The following EIF3B variants were observed in gnomAD, a reference collection of about 807,000 sequenced individuals.
The protein encoded by EIF3B is eukaryotic translation initiation factor 3 subunit 9.
EIF3B carries 10 observed loss-of-function variants against 104.6 expected under a neutral mutation model. The observed-to-expected ratio is 0.10, with a 90% CI of 0.06 to 0.16. The LOEUF (loss-of-function observed/expected upper bound fraction) is 0.16, where lower values mean the gene tolerates loss of function less well. EIF3B is among the 10% of genes least tolerant of loss of function. EIF3B has a pLI of 1.00. For missense variants in EIF3B, 1,014 were observed against 1,087.9 expected (o/e 0.93, Z 0.96); for synonymous variants, 542 against 417.2 (o/e 1.30, Z -3.65).
In EIF3B at chr7:2,362,518, G is replaced by C. The variant is rs571506682; in HGVS notation, c.693-127G>C. The C allele has an allele frequency of 1.5e-5, 18 of 1,208,664 alleles. No homozygotes were observed. In the East Asian group the frequency reaches 4.1e-4, roughly 28 times the overall value. The allele number at this position is 1,208,664 out of a possible 1,614,324, so 74.9% of individuals were successfully genotyped here. ...TCCCCCGTGTGACTGCCTTAGGCTC[G>C]AGGCAGGAAGAGCAGCACAGATACT... On this transcript the variant is annotated intron_variant, in intron 2 of 18. Transcript: ENST00000360876.
At chr7:2,354,108 G>A (rs1471150349), upstream of EIF3B, 1 of 152,428 alleles carries the variant, frequency 6.6e-6, no homozygotes, top group Non-Finnish European at 1.5e-5. Flanking sequence ...GTCCCGCGCT[G>A]AAGGCGGCGG....
intron 1 of EIF3B, among the ~76,000 whole-genome samples, chr7:2,356,602 CAAAAAAA>C (rs558863981): frequency 2.2e-5 from 2 of 90,314 alleles, no homozygotes; most frequent in Middle Eastern, 6.6e-3. Flanking sequence ...GACTCCGTCT[CAAAAAAA>C]AAAAAAAAAG....
Position 2,354,916 on chromosome 7 carries a change from G to A in EIF3B, c.-6G>A. Reference sequence around the variant, plus strand: ...CGGAGCCCTGCGAGTAGGCAGCGTTGGGCCCATGCAGGACGCGGAGAACGT... The same window carrying A: ...CGGAGCCCTGCGAGTAGGCAGCGTTAGGCCCATGCAGGACGCGGAGAACGT... On this transcript the variant is annotated 5_prime_UTR_variant, in exon 1 of 19. Coordinates refer to ENST00000360876, the MANE Select transcript of EIF3B (RefSeq NM_001037283.2). 1 of 1,220,848 alleles carries A rather than the reference G, an allele frequency of 8.2e-7. No homozygotes were observed. The highest frequency in any genetic ancestry group is 2.3e-5 in the South Asian group (1 of 43,272). The allele number at this position is 1,220,848 out of a possible 1,614,324, so 75.6% of individuals were successfully genotyped here.
intron 4 of EIF3B, among the ~76,000 whole-genome samples, chr7:2,363,360 G>GA (rs1779841524): frequency 6.6e-6 from 1 of 152,074 alleles, no homozygotes; most frequent in African/African-American, 2.4e-5. Flanking sequence ...CTGGGAGGCT[G>GA]AGGGGGGAGG....
At chr7:2,366,653 GCC>G in intron 8 of EIF3B, 62 bp downstream of exon 8, 1 of 1,578,106 alleles carries the variant, frequency 6.3e-7, no homozygotes, top group Admixed American at 1.7e-5. Flanking sequence ...GGGGTGTGGT[GCC>G]TTTCCTTATT....
chr7:2,372,653 G>T lies in EIF3B; in HGVS notation c.1688-20G>T, dbSNP rs78085845. ...TTCTGAATTGACCAAAAAGGGAGGG[G>T]TCTGTTTTGTGCATTTTAGAAACCA... On this transcript the variant is annotated intron_variant, in intron 11 of 18. Transcript: ENST00000360876. The T allele has an allele frequency of 1.1e-3, 1,747 of 1,612,314 alleles. 15 individuals are homozygous for T. In the African/African-American group the frequency reaches 0.02, roughly 18 times the overall value.
rs1285048154 is a variant in EIF3B at position 2,375,533 on chromosome 7, G to C, written c.2028+6G>C. ...TGTCCTGGTGGAGCCATAAGGTGCA[G>C]GCCTGTGGGGCATAGTTTTGACTGT... is the stretch of plus-strand genomic sequence containing the variant. On this transcript the variant is annotated splice_donor_region_variant and intron_variant, in intron 14 of 18. Transcript: ENST00000360876. The C allele has an allele frequency of 6.2e-7, 1 of 1,614,194 alleles. No homozygotes were observed. The highest frequency in any genetic ancestry group is 8.5e-7 in the Non-Finnish European group (1 of 1,180,026).
intron 13 of EIF3B, 151 bp from the exon 14 acceptor site, chr7:2,375,236 TCA>T (rs1334303369): frequency 2.4e-6 from 2 of 844,462 alleles, no homozygotes; most frequent in African/African-American, 3.3e-5. Flanking sequence ...TTGGTAAGTC[TCA>T]CAGCGGCCAC....
intron 16 of EIF3B, 62 bp downstream of exon 16, chr7:2,378,828 G>T (rs1780832353): frequency 2.2e-6 from 3 of 1,390,336 alleles, no homozygotes; most frequent in Middle Eastern, 3.5e-4. Flanking sequence ...CAAAGGCGGG[G>T]CTGCGGGGAG....
At position 2,369,400 on chromosome 7, in the gene EIF3B, C is replaced by G. The variant is rs2301944; in HGVS notation, c.1404-72C>G. The G allele has an allele frequency of 3.3e-6, 5 of 1,509,732 alleles. No individual in the cohort carries two copies. The African/African-American group carries it at 6.9e-5, about 21-fold the overall frequency. The allele number at this position is 1,509,732 out of a possible 1,614,324, so 93.5% of individuals were successfully genotyped here. ...GCTTCTATATAGCAAATGAGTTGTT[C>G]TATTCTCTTCTGCTTTTCAGTTTCG... is the stretch of plus-strand genomic sequence containing the variant. On this transcript the variant is annotated intron_variant, in intron 9 of 18. Transcript: ENST00000360876.
chr7:2,368,690 G>A (rs1780161255), intron 9 of EIF3B, among the ~76,000 whole-genome samples: 1 of 152,254 alleles, frequency 6.6e-6, no homozygotes, highest in East Asian at 1.9e-4. Context: ...CTGCTTAGGT[G>A]AAAGGTTTTC....
chr7:2,378,873 G>T (rs989741772), intron 16 of EIF3B, 107 bp downstream of exon 16: 13 of 1,012,170 alleles, frequency 1.3e-5, no homozygotes, highest in Admixed American at 2.1e-5. Context: ...CCTCTGCTCC[G>T]AAGACACTGG....
intron 5 of EIF3B, 23 bp from the exon 6 acceptor site, chr7:2,364,349 G>T (rs767600494): frequency 1.0e-5 from 16 of 1,568,240 alleles, no homozygotes; most frequent in Non-Finnish European, 1.3e-5. Context: ...TTGTATTAAC[G>T]TTGGCACTGC....
At position 2,372,768 on chromosome 7, in the gene EIF3B, A is replaced by C; in HGVS notation, c.1783A>C (p.Lys595Gln). 1 of 1,614,036 alleles carries C rather than the reference A, an allele frequency of 6.2e-7. No homozygotes were observed. Among genetic ancestry groups the C allele is most frequent in the Non-Finnish European group, 8.5e-7 (1 of 1,179,942 alleles). Residue 595 changes from lysine (K) to glutamine (Q), a missense_variant, in exon 12 of 19, where the codon AAA becomes CAA. Transcript: ENST00000360876. Reference protein sequence around the residue: ...PRISVSFYHVKNNGKIELIKM... With the variant: ...PRISVSFYHVQNNGKIELIKM... ...GATATCTGTGTCTTTCTACCACGTC[A>C]AAAACAACGGGAAGATTGAACTCAT...
At chr7:2,356,015 C>T (rs1310923123) in intron 1 of EIF3B, among the ~76,000 whole-genome samples, 3 of 152,152 alleles carry the variant, frequency 2.0e-5, no homozygotes, top group Non-Finnish European at 2.9e-5. Flanking sequence ...TTTAATATTG[C>T]CGATAACAGC....
chr7:2,372,478 A>G (rs1463531405), intron 11 of EIF3B, among the ~76,000 whole-genome samples, 195 bp from the exon 12 acceptor site: 3 of 152,186 alleles, frequency 2.0e-5, no homozygotes, highest in Non-Finnish European at 4.4e-5. Context: ...GTCACTCCAC[A>G]CAAGTGGAAG....
At chr7:2,371,359 C>T (rs1418499672) in intron 10 of EIF3B, among the ~76,000 whole-genome samples, 1 of 152,208 alleles carries the variant, frequency 6.6e-6, no homozygotes, top group Non-Finnish European at 1.5e-5. Flanking sequence ...TCAGACTCCT[C>T]GAGTAGGGCA....
chr7:2,365,400 G>A (rs999608006), intron 6 of EIF3B, among the ~76,000 whole-genome samples: 17 of 152,126 alleles, frequency 1.1e-4, no homozygotes, highest in African/African-American at 3.4e-4. Flanking sequence ...GCCACTCTAG[G>A]GAAAGGGGCA....
intron 14 of EIF3B, chr7:2,376,679 G>C (rs1258648727): frequency 4.8e-6 from 2 of 413,718 alleles, no homozygotes; most frequent in South Asian, 7.5e-5. Flanking sequence ...CTTACATCCA[G>C]CATGGGGTTC....
Sources: allele counts gnomAD v4.1 joint callset (sites outside exome capture counted in the v4.1 genomes callset), GRCh38; gene constraint gnomAD v4.1.1; transcripts MANE v1.5; gene names NCBI Gene and HGNC (gene_info 2026-07-23, HGNC 2026-07-21).